SCHIP1: variants seen among roughly 807,000 people sequenced by gnomAD.
SCHIP1 encodes schwannomin interacting protein 1.
Under a neutral mutation model 29.7 loss-of-function variants are expected in SCHIP1, and 8 were observed. The ratio of observed to expected loss-of-function variants is 0.27; its 90% CI spans 0.16 to 0.49. The LOEUF (loss-of-function observed/expected upper bound fraction) is 0.49. Ranked by LOEUF, SCHIP1 falls within the 20% of genes least tolerant of loss-of-function variation. The pLI, the probability that SCHIP1 is intolerant of heterozygous loss-of-function variation, is 0.99. For missense variants in SCHIP1, 193 were observed against 294.6 expected, an observed-to-expected ratio of 0.66 and a Z score of 2.52; for synonymous variants, 76 against 94.9, an observed-to-expected ratio of 0.80 and a Z score of 1.16.
the SCHIP1 span, among the ~76,000 whole-genome samples, chr3:159,750,282 T>C: frequency 1.1e-3 from 35 of 30,712 alleles, no homozygotes; most frequent in African/African-American, 2.4e-3. Flanking sequence ...TATATATATA[T>C]ATATATATAT....
chr3:159,745,486 G>A, the SCHIP1 span, among the ~76,000 whole-genome samples: 1 of 152,304 alleles, frequency 6.6e-6, no homozygotes, highest in Non-Finnish European at 1.5e-5. Flanking sequence ...TCACCAAATG[G>A]AGGAAGTAAT....
chr3:159,756,397 T>C, the SCHIP1 span, among the ~76,000 whole-genome samples: 2 of 152,198 alleles, frequency 1.3e-5, no homozygotes, highest in African/African-American at 4.8e-5. Flanking sequence ...TTTTCAGACA[T>C]GGCTGGAGCG....
chr3:159,484,735 T>C, the SCHIP1 span, among the ~76,000 whole-genome samples: 1 of 152,164 alleles, frequency 6.6e-6, no homozygotes, highest in African/African-American at 2.4e-5. Context: ...TGTTATTATA[T>C]ACAAATTAAA....
chr3:159,841,914 T>C (rs900934988), intron 1 of SCHIP1, among the ~76,000 whole-genome samples: 2 of 152,258 alleles, frequency 1.3e-5, no homozygotes, highest in East Asian at 3.8e-4. Flanking sequence ...TACATGTGTA[T>C]GTTCTTTTGA....
At chr3:159,705,687 C>G in the SCHIP1 span, among the ~76,000 whole-genome samples, 1 of 150,922 alleles carries the variant, frequency 6.6e-6, no homozygotes, top group African/African-American at 2.4e-5. Flanking sequence ...GAATGCCGCT[C>G]TAAGGATATG....
At chr3:159,728,699 C>T in the SCHIP1 span, among the ~76,000 whole-genome samples, 1 of 152,144 alleles carries the variant, frequency 6.6e-6, no homozygotes, top group African/African-American at 2.4e-5. Flanking sequence ...GCAGTAGTAG[C>T]AGCAGGGTAG....
At chr3:159,586,849 T>A in the SCHIP1 span, among the ~76,000 whole-genome samples, 1 of 152,150 alleles carries the variant, frequency 6.6e-6, no homozygotes. Context: ...GCAGCTCTTG[T>A]CAAAATAAAC....
chr3:159,276,633 T>C, the SCHIP1 span, among the ~76,000 whole-genome samples: 2 of 152,234 alleles, frequency 1.3e-5, no homozygotes, highest in Non-Finnish European at 2.9e-5. Flanking sequence ...ATTTGAGATT[T>C]ACATTAAATA....
chr3:159,506,358 G>A, the SCHIP1 span, among the ~76,000 whole-genome samples: 1 of 152,200 alleles, frequency 6.6e-6, no homozygotes, highest in Non-Finnish European at 1.5e-5. Flanking sequence ...TGTAGATTCT[G>A]AATATTAGCC....
At position 159,855,080 on chromosome 3, in the gene SCHIP1, A is replaced by T. The variant is rs1241898023; in HGVS notation, c.31-11083A>T. The stretch of plus-strand genomic sequence containing the variant: ...TCAGTATCTGATAGGTTAGTACAAA[A>T]AAACTGCAAGATGAAACTTCTAGAT... On this transcript the variant is annotated intron_variant, in intron 1 of 6. Coordinates refer to ENST00000445224, the Ensembl canonical transcript of SCHIP1. 2.6e-5 allele frequency among the ~76,000 whole-genome samples: 4 copies of T among 152,216 alleles called. No homozygotes were observed. The East Asian group carries it at 7.7e-4, about 29-fold the overall frequency.
chr3:159,870,792 A>G (rs763542833), intron 2 of SCHIP1, among the ~76,000 whole-genome samples: 1 of 151,976 alleles, frequency 6.6e-6, no homozygotes, highest in Non-Finnish European at 1.5e-5. Flanking sequence ...TGGTTTTAGT[A>G]TCAGGGTTAT....
the SCHIP1 span, among the ~76,000 whole-genome samples, chr3:159,617,420 G>T: frequency 2.0e-5 from 3 of 152,056 alleles, no homozygotes; most frequent in Non-Finnish European, 2.9e-5. Context: ...CAGGAGAAAT[G>T]CAATTGTCTT....
the SCHIP1 span, among the ~76,000 whole-genome samples, chr3:159,437,280 G>C: frequency 6.6e-6 from 1 of 152,036 alleles, no homozygotes; most frequent in Non-Finnish European, 1.5e-5. Flanking sequence ...TTTTGAATAT[G>C]TTCTACCTTA....
At chr3:159,741,608 A>T in the SCHIP1 span, among the ~76,000 whole-genome samples, 728 of 152,342 alleles carry the variant, frequency 4.8e-3, 10 homozygotes, top group Admixed American at 0.023. Context: ...TGATCCTTTA[A>T]TTTATTTAAA....
chr3:159,649,514 C>A, the SCHIP1 span, among the ~76,000 whole-genome samples: 25,222 of 151,746 alleles, frequency 0.17, 5,808 homozygotes, highest in African/African-American at 0.52. Flanking sequence ...AGTAGGCTCA[C>A]AAAATGAACT....
At chr3:159,476,193 G>A in the SCHIP1 span, among the ~76,000 whole-genome samples, 1 of 152,148 alleles carries the variant, frequency 6.6e-6, no homozygotes, top group Non-Finnish European at 1.5e-5. Flanking sequence ...TCTTAATGAG[G>A]CTTCAAGGGA....
the SCHIP1 span, among the ~76,000 whole-genome samples, chr3:159,769,592 A>C: frequency 6.6e-6 from 1 of 152,088 alleles, no homozygotes; most frequent in Non-Finnish European, 1.5e-5. Context: ...TCTACTAAAA[A>C]TACAAAAATT....
chr3:159,824,273 C>G, the SCHIP1 span, among the ~76,000 whole-genome samples: 2 of 152,208 alleles, frequency 1.3e-5, no homozygotes, highest in Non-Finnish European at 2.9e-5. Context: ...TAGAGCATTT[C>G]TTACCTGGAT....
chr3:159,552,565 A>G, the SCHIP1 span, among the ~76,000 whole-genome samples: 2 of 152,260 alleles, frequency 1.3e-5, no homozygotes, highest in African/African-American at 4.8e-5. Flanking sequence ...GAATTTGAAT[A>G]GAAGAAATTT....
Sources: allele counts gnomAD v4.1 joint callset (sites outside exome capture counted in the v4.1 genomes callset), GRCh38; gene constraint gnomAD v4.1.1; transcripts MANE v1.5; gene names NCBI Gene and HGNC (gene_info 2026-07-23, HGNC 2026-07-21).